SGMS1: variants seen among roughly 807,000 people sequenced by gnomAD.
SGMS1 encodes the protein phosphatidylcholine:ceramide cholinephosphotransferase 1.
Under a neutral mutation model 46.2 loss-of-function variants are expected in SGMS1, and 13 were observed. The observed-to-expected ratio is 0.28, with a 90% CI of 0.18 to 0.45. The LOEUF (loss-of-function observed/expected upper bound fraction) is 0.45. Among genes scored for constraint, SGMS1 ranks in the 20% least tolerant of loss-of-function variants. The pLI is 1.00. For missense variants in SGMS1, 324 were observed against 519.9 expected (o/e 0.62, Z 3.66); for synonymous variants, 203 against 187.8 (o/e 1.08, Z -0.66).
intron 5 of SGMS1, among the ~76,000 whole-genome samples, chr10:50,457,391 T>G (rs949108969): frequency 4.6e-5 from 7 of 152,228 alleles, no homozygotes; most frequent in Admixed American, 6.5e-5. Context: ...TTTTTGTTCT[T>G]ACTTAAGCAA....
chr10:50,363,267 A>G (rs536173161), intron 6 of SGMS1, among the ~76,000 whole-genome samples: 1 of 152,370 alleles, frequency 6.6e-6, no homozygotes, highest in South Asian at 2.1e-4. Flanking sequence ...CGATTTCGGA[A>G]GTTGGGAAGC....
intron 3 of SGMS1, among the ~76,000 whole-genome samples, chr10:50,482,429 T>C (rs891492709): frequency 2.0e-5 from 3 of 152,096 alleles, no homozygotes; most frequent in Non-Finnish European, 4.4e-5. Flanking sequence ...CTAAGCTTCA[T>C]AAGCAAAGGA....
chr10:50,310,844 C>T (rs1034923618), intron 9 of SGMS1, among the ~76,000 whole-genome samples: 2 of 152,152 alleles, frequency 1.3e-5, no homozygotes, highest in African/African-American at 4.8e-5. Context: ...ATCACTGTAC[C>T]CTCAGGCATG....
At chr10:50,624,588 C>G (rs1370381770), upstream of SGMS1, 1 of 985,388 alleles carries the variant, frequency 1.0e-6, no homozygotes, top group Non-Finnish European at 1.2e-6. Flanking sequence ...CAGAGCCGCC[C>G]CGCCCCGCCT....
At chr10:50,566,005 C>CT (rs576319541) in intron 2 of SGMS1, among the ~76,000 whole-genome samples, 166 of 152,338 alleles carry the variant, frequency 1.1e-3, no homozygotes, top group Non-Finnish European at 2.0e-3. Flanking sequence ...CTCACTGTTC[C>CT]TATGGTATGG....
intron 5 of SGMS1, among the ~76,000 whole-genome samples, chr10:50,453,610 T>C (rs12356922): frequency 0.52 from 78,144 of 150,462 alleles, 20,523 homozygotes; most frequent in Admixed American, 0.64. Flanking sequence ...AGTGAAAAAG[T>C]CCAACATGTG....
At chr10:50,334,575 G>GAA (rs1847684562) in intron 7 of SGMS1, 1 of 152,126 alleles carries the variant, frequency 6.6e-6, no homozygotes, top group African/African-American at 2.4e-5. Flanking sequence ...GGGGGTTTCT[G>GAA]AAAACATAAC....
intron 6 of SGMS1, among the ~76,000 whole-genome samples, chr10:50,369,190 G>GA (rs1848395680): frequency 6.6e-6 from 1 of 152,188 alleles, no homozygotes; most frequent in Admixed American, 6.5e-5. Flanking sequence ...AATCTGATAA[G>GA]AAAAAGACTT....
At chr10:50,342,428 G>A (rs993916974) in intron 7 of SGMS1, 2 of 152,092 alleles carry the variant, frequency 1.3e-5, no homozygotes, top group African/African-American at 2.4e-5. Flanking sequence ...AGTTAAGACC[G>A]TCCATCCCTG....
chr10:50,601,034 GT>G (rs1320999415), intron 1 of SGMS1, among the ~76,000 whole-genome samples: 1 of 152,176 alleles, frequency 6.6e-6, no homozygotes, highest in East Asian at 1.9e-4. Flanking sequence ...TTTTTAAGCA[GT>G]GACTAACATG....
At position 50,369,397 on chromosome 10, in the gene SGMS1, C is replaced by T. The variant is rs529175727; in HGVS notation, c.-231-25052G>A. Among the ~76,000 whole-genome samples, 23 of 152,268 alleles carry T rather than the reference C, an allele frequency of 1.5e-4. No individual in the cohort carries two copies. In the South Asian group the frequency reaches 4.1e-3, roughly 27 times the overall value. ...CTTATGGTCCCAGCTACTTGGTAGG[C>T]TGAGGCAGGAGGATCCCTTGAGCCT... On this transcript the variant is annotated intron_variant, in intron 6 of 10. Transcript: ENST00000361781.
chr10:50,382,086 C>A (rs1260580762), intron 6 of SGMS1, among the ~76,000 whole-genome samples: 1 of 152,026 alleles, frequency 6.6e-6, no homozygotes, highest in Non-Finnish European at 1.5e-5. Context: ...TAGAGTATAT[C>A]TTGATATACA....
At chr10:50,580,417 G>C (rs1231757269) in intron 2 of SGMS1, among the ~76,000 whole-genome samples, 1 of 139,730 alleles carries the variant, frequency 7.2e-6, no homozygotes, top group Non-Finnish European at 1.6e-5. Flanking sequence ...ACCACAGCAA[G>C]TTAGGGACCC....
chr10:50,505,059 T>A (rs114758536), intron 3 of SGMS1, among the ~76,000 whole-genome samples: 2 of 151,848 alleles, frequency 1.3e-5, no homozygotes, highest in African/African-American at 4.8e-5. Context: ...AAGAAAAAAA[T>A]ACAAAAATTA....
intron 6 of SGMS1, among the ~76,000 whole-genome samples, chr10:50,366,104 C>T (rs922405839): frequency 1.3e-5 from 2 of 152,152 alleles, no homozygotes; most frequent in Non-Finnish European, 2.9e-5. Flanking sequence ...TAAAGAGTTT[C>T]TCCACAGCAA....
chr10:50,566,762 G>C (rs949699173), intron 2 of SGMS1, among the ~76,000 whole-genome samples: 1 of 152,226 alleles, frequency 6.6e-6, no homozygotes, highest in South Asian at 2.1e-4. Context: ...ACCCCTGGCA[G>C]ACACAAAATC....
chr10:50,306,909 T>A lies in SGMS1; in HGVS notation c.*233A>T, dbSNP rs190536338. The A allele has an allele frequency of 2.7e-6, 1 of 374,552 alleles. No individual in the cohort carries two copies. The highest frequency in any genetic ancestry group is 4.8e-6 in the Non-Finnish European group (1 of 210,024). 23.2% of individuals were successfully genotyped at this position (374,552 alleles called of 1,614,324 possible). A position where few individuals can be genotyped will look rare whatever the true frequency, so the allele number is the denominator to read the frequency against. On this transcript the variant is annotated 3_prime_UTR_variant, in exon 11 of 11. Coordinates refer to ENST00000361781, the MANE Select transcript of SGMS1 (RefSeq NM_147156.4). ...GCGGGTTATGTAAATCCCAAACTTA[T>A]GAACAGGAAATGTGTACAGTGCATG...
intron 1 of SGMS1, among the ~76,000 whole-genome samples, chr10:50,601,469 C>T (rs1022238570): frequency 3.9e-5 from 6 of 152,234 alleles, no homozygotes; most frequent in African/African-American, 1.4e-4. Context: ...CCACTTAAGA[C>T]AGAATGGAAT....
intron 6 of SGMS1, among the ~76,000 whole-genome samples, chr10:50,373,008 C>T (rs151045759): frequency 0.01 from 1,533 of 152,116 alleles, 9 homozygotes; most frequent in Middle Eastern, 0.017. Flanking sequence ...TGACTTTTTT[C>T]TTCAGATTGT....
Sources: allele counts gnomAD v4.1 joint callset (sites outside exome capture counted in the v4.1 genomes callset), GRCh38; gene constraint gnomAD v4.1.1; transcripts MANE v1.5; gene names NCBI Gene and HGNC (gene_info 2026-07-23, HGNC 2026-07-21).